The following EMILIN2 variants were observed in gnomAD, a reference collection of about 807,000 sequenced individuals.
EMILIN2 encodes EMILIN-2.
A neutral mutation model predicts 87.1 loss-of-function variants in EMILIN2; 71 were observed. The observed-to-expected ratio is 0.82, with a 90% CI of 0.67 to 0.99. The LOEUF (loss-of-function observed/expected upper bound fraction) is 0.99, where lower values mean the gene tolerates loss of function less well. Ranked by LOEUF, EMILIN2 falls within the 50% of genes least tolerant of loss-of-function variation. The pLI is 0.00. For missense variants in EMILIN2, 1,407 were observed against 1,371.8 expected (o/e 1.03, Z -0.40); for synonymous variants, 581 against 563.4 (o/e 1.03, Z -0.44).
chr18:2,867,511 TTG>T (rs772751434), intron 2 of EMILIN2, among the ~76,000 whole-genome samples: 74 of 152,152 alleles, frequency 4.9e-4, no homozygotes, highest in Non-Finnish European at 9.8e-4. Context: ...TCCGCAGTGT[TTG>T]TGTCCCTGGG....
intron 4 of EMILIN2, 30 bp downstream of exon 4, chr18:2,892,516 G>A (rs775067550): frequency 6.5e-7 from 1 of 1,542,592 alleles, no homozygotes; most frequent in African/African-American, 1.4e-5. Flanking sequence ...TCTATTTCTT[G>A]TATTTCTTTG....
chr18:2,865,705 T>A (rs641622), intron 2 of EMILIN2, among the ~76,000 whole-genome samples: 20 of 151,994 alleles, frequency 1.3e-4, no homozygotes, highest in Non-Finnish European at 2.6e-4. Context: ...TCTCCAGCTG[T>A]GTGCTGGGAG....
intron 3 of EMILIN2, among the ~76,000 whole-genome samples, chr18:2,886,252 G>C (rs2076803052): frequency 6.6e-6 from 1 of 152,216 alleles, no homozygotes; most frequent in Admixed American, 6.5e-5. Context: ...AGACATTAGA[G>C]AGTAATTACA....
At chr18:2,846,703 G>C, upstream of EMILIN2, 1 of 976,642 alleles carries the variant, frequency 1.0e-6, no homozygotes, top group Non-Finnish European at 1.2e-6. The surrounding 1 kb of genome is among the most constrained non-coding windows in gnomAD (Gnocchi z 5.3). Context: ...ACTCGCCGAC[G>C]GCGGCCGCGT....
chr18:2,847,371 C>G lies in EMILIN2; in HGVS notation c.134+49C>G, dbSNP rs749336005. On this transcript the variant is annotated intron_variant, in intron 1 of 7. Coordinates refer to ENST00000254528, the MANE Select transcript of EMILIN2 (RefSeq NM_032048.3). This position sits in a 1 kb window ranked among gnomAD's most constrained non-coding sequence, Gnocchi z 4.5. The stretch of plus-strand genomic sequence containing the variant: ...CCCCAAACCGCCTACCCCTCCCCGG[C>G]CCCCAGTTGAGCCCCAGAGCTGCCC... The G allele has an allele frequency of 2.4e-6, 3 of 1,266,448 alleles. No individual in the cohort carries two copies. The highest frequency in any genetic ancestry group is 2.3e-5 in the South Asian group (1 of 43,648). The allele number at this position is 1,266,448 out of a possible 1,614,324, so 78.5% of individuals were successfully genotyped here.
intron 3 of EMILIN2, among the ~76,000 whole-genome samples, chr18:2,888,047 G>A: frequency 6.6e-6 from 1 of 152,208 alleles, no homozygotes; most frequent in East Asian, 1.9e-4. Context: ...TTAATGGCTT[G>A]AGAGAATGTG....
intron 4 of EMILIN2, among the ~76,000 whole-genome samples, chr18:2,896,238 T>C (rs1013232985): frequency 2.0e-5 from 3 of 152,088 alleles, no homozygotes; most frequent in Non-Finnish European, 2.9e-5. Flanking sequence ...TGCAGTGGCG[T>C]GATCTTGGCT....
chr18:2,881,389 A>G (rs1320280444), intron 2 of EMILIN2, among the ~76,000 whole-genome samples: 1 of 152,154 alleles, frequency 6.6e-6, no homozygotes, highest in Non-Finnish European at 1.5e-5. Context: ...GACGCGGAGC[A>G]GGAGTGGGGA....
chr18:2,892,790 G>A (rs540127952), intron 4 of EMILIN2, among the ~76,000 whole-genome samples: 1 of 150,774 alleles, frequency 6.6e-6, no homozygotes, highest in Non-Finnish European at 1.5e-5. Context: ...AGTGGCTCAT[G>A]CCTGTAATCC....
In EMILIN2 at chr18:2,894,528, G is replaced by A. The variant is rs1001585450; in HGVS notation, c.2359+2042G>A. 1.3e-5 allele frequency among the ~76,000 whole-genome samples: 2 copies of A among 152,178 alleles called. No homozygotes were observed. The highest frequency in any genetic ancestry group is 2.4e-5 in the African/African-American group (1 of 41,434). On this transcript the variant is annotated intron_variant, in intron 4 of 7. Coordinates refer to ENST00000254528, the MANE Select transcript of EMILIN2 (RefSeq NM_032048.3). The surrounding 1 kb of genome is among the most constrained non-coding windows in gnomAD (Gnocchi z 5.0). ...CAACGCTGTCTGGTCTGTGTCTTAC[G>A]ATAACAGGTTGAATCAGATATTTCC...
intron 2 of EMILIN2, among the ~76,000 whole-genome samples, chr18:2,875,723 A>G (rs2076744283): frequency 6.6e-6 from 1 of 152,230 alleles, no homozygotes; most frequent in Non-Finnish European, 1.5e-5. Flanking sequence ...TGTCATTTTT[A>G]GCCATGTGAG....
In EMILIN2 at chr18:2,859,152, C is replaced by T. The variant is rs536813443; in HGVS notation, c.257+11221C>T. Among the ~76,000 whole-genome samples the T allele has an allele frequency of 5.3e-5, 8 of 152,182 alleles. No homozygotes were observed. The East Asian group carries it at 5.8e-4, about 11-fold the overall frequency. On this transcript the variant is annotated intron_variant, in intron 2 of 7. Coordinates refer to ENST00000254528, the MANE Select transcript of EMILIN2 (RefSeq NM_032048.3). ...TTTAAGGAACCCCCATGCTGTTTTC[C>T]GTAGTGGTTGGGCTAGTTTACGTTC...
At position 2,858,522 on chromosome 18, in the gene EMILIN2, C is replaced by CATATATATAT. The variant is rs202158489; in HGVS notation, c.257+10630_257+10639dup. 2.4e-3 allele frequency among the ~76,000 whole-genome samples: 109 copies of CATATATATAT among 45,696 alleles called. 1 individual carries two copies. Among genetic ancestry groups the CATATATATAT allele is most frequent in the Non-Finnish European group, 3.0e-3 (79 of 26,394 alleles). 30.0% of individuals were successfully genotyped at this position (45,696 alleles called of 152,430 possible). A position where few individuals can be genotyped will look rare whatever the true frequency, so the allele number is the denominator to read the frequency against. Reference sequence around the variant, plus strand: ...TTTTTATAGCTGAGTAGTATTCCATCATATATATATATATATATATATATA... The same window carrying CATATATATAT: ...TTTTTATAGCTGAGTAGTATTCCATCATATATATATATATATATATATATATATATATATA... On this transcript the variant is annotated intron_variant, in intron 2 of 7. Transcript: ENST00000254528.
At chr18:2,870,422 G>T (rs912978339) in intron 2 of EMILIN2, among the ~76,000 whole-genome samples, 1 of 152,226 alleles carries the variant, frequency 6.6e-6, no homozygotes, top group African/African-American at 2.4e-5. Context: ...AAATATTTTT[G>T]TTCAAAGCCT....
intron 2 of EMILIN2, among the ~76,000 whole-genome samples, chr18:2,856,989 G>A (rs1467512226): frequency 6.6e-6 from 1 of 152,198 alleles, no homozygotes; most frequent in Non-Finnish European, 1.5e-5. Flanking sequence ...CTGAAACAAA[G>A]TAGGGAGCAT....
chr18:2,891,865 C>A lies in EMILIN2; in HGVS notation c.1738C>A (p.Leu580Met). The A allele has an allele frequency of 6.2e-7, 1 of 1,614,254 alleles. No individual in the cohort carries two copies. Among genetic ancestry groups the A allele is most frequent in the Non-Finnish European group, 8.5e-7 (1 of 1,180,042 alleles). ...NREDRAVRDS[L>M]HLLKSLNDTM... ...GGAAGACCGCGCAGTACGCGACAGC[C>A]TGCACCTTTTGAAATCTCTCAACGA... Residue 580 changes from leucine to methionine, a missense_variant, in exon 4 of 8, where the codon CTG becomes ATG. Leu to Met is a conservative substitution (Grantham distance 15). Transcript: ENST00000254528. This position sits in a 1 kb window ranked among gnomAD's most constrained non-coding sequence, Gnocchi z 4.6.
rs570172137 is a variant in EMILIN2 at position 2,915,788 on chromosome 18, G to C, written c.*2384G>C. On this transcript the variant is annotated 3_prime_UTR_variant, in exon 8 of 8. Transcript: ENST00000254528. ...TCCGCCCACCTCGGCCTCCCAAAGTGCTGGGATTACAGGTATGAGCCACCA... is the reference window on the plus strand; with the variant it reads ...TCCGCCCACCTCGGCCTCCCAAAGTCCTGGGATTACAGGTATGAGCCACCA... 6.6e-6 allele frequency: 1 copy of C among 152,492 alleles called. No individual in the cohort carries two copies. Among genetic ancestry groups the C allele is most frequent in the African/African-American group, 2.4e-5 (1 of 41,544 alleles). 9.4% of individuals were successfully genotyped at this position (152,492 alleles called of 1,614,324 possible). A position where few individuals can be genotyped will look rare whatever the true frequency, so the allele number is the denominator to read the frequency against.
At chr18:2,879,848 G>C (rs1326347761) in intron 2 of EMILIN2, among the ~76,000 whole-genome samples, 3 of 151,968 alleles carry the variant, frequency 2.0e-5, no homozygotes, top group Admixed American at 6.5e-5. Flanking sequence ...TGGGATAAGA[G>C]GTGTGCATCA....
rs772250482 is a variant in EMILIN2, at chr18:2,913,085, A to G, written c.2843A>G (p.Tyr948Cys). The G allele has an allele frequency of 1.2e-6, 2 of 1,610,686 alleles. No homozygotes were observed. The highest frequency in any genetic ancestry group is 1.7e-6 in the Non-Finnish European group (2 of 1,179,962). Residue 948 changes from tyrosine (Y) to cysteine (C), a missense_variant, in exon 8 of 8, where the codon TAT becomes TGT. Coordinates refer to ENST00000254528, the MANE Select transcript of EMILIN2 (RefSeq NM_032048.3). ...NPSTGVFTAP[Y>C]DGRYLITATL... The stretch of plus-strand genomic sequence containing the variant: ...CCCGCAGGGGTCTTCACGGCTCCTT[A>G]TGATGGGCGCTACCTGATCACGGCC...
Sources: allele counts gnomAD v4.1 joint callset (sites outside exome capture counted in the v4.1 genomes callset), GRCh38; gene constraint gnomAD v4.1.1; non-coding constraint Gnocchi (gnomAD v3.1); transcripts MANE v1.5; gene names NCBI Gene and HGNC (gene_info 2026-07-23, HGNC 2026-07-21).